The following TBC1D31 variants were observed in gnomAD, a reference collection of about 807,000 sequenced individuals.
TBC1D31 encodes the protein TBC1 domain family member 31.
Under a neutral mutation model 132.9 loss-of-function variants are expected in TBC1D31, and 99 were observed. The observed-to-expected ratio is 0.74, with a 90% CI of 0.63 to 0.88. TBC1D31 has a LOEUF of 0.88. Ranked by LOEUF, TBC1D31 falls within the 40% of genes least tolerant of loss-of-function variation. TBC1D31 has a pLI of 0.00. For missense variants in TBC1D31, 1,134 were observed against 1,256.6 expected (o/e 0.90, Z 1.48); for synonymous variants, 385 against 419.4 (o/e 0.92, Z 1.00).
At chr8:123,093,810 T>C in intron 5 of TBC1D31, 68 bp downstream of exon 5, 1 of 1,148,096 alleles carries the variant, frequency 8.7e-7, no homozygotes. Context: ...TTACAAATTT[T>C]CATTTAGTTT....
chr8:123,161,201 C>T, the TBC1D31 span, among the ~76,000 whole-genome samples: 4 of 152,244 alleles, frequency 2.6e-5, no homozygotes, highest in African/African-American at 7.2e-5. Context: ...TTTGCACCGG[C>T]AGCTCTAGGC....
At position 123,129,154 on chromosome 8, in the gene TBC1D31, G is replaced by T; in HGVS notation, c.2206G>T (p.Ala736Ser). The T allele has an allele frequency of 3.1e-6, 5 of 1,607,700 alleles. No individual in the cohort carries two copies. The highest frequency in any genetic ancestry group is 4.3e-6 in the Non-Finnish European group (5 of 1,175,572). ...CCAGAAACAGGAGCTGCTTCGTAAA[G>T]CTGAAGAAACAAGAAGAGAAATGCT... ...WYQKQELLRK[A>S]EETRREMLLQ... The change falls in exon 15 of 22, where the codon GCT becomes TCT. Residue 736 changes from alanine (A) to serine (S), a missense_variant. Ala to Ser is a moderately conservative substitution (Grantham distance 99, BLOSUM62 1). Transcript: ENST00000287380.
intron 4 of TBC1D31, among the ~76,000 whole-genome samples, chr8:123,085,679 G>A (rs997743066): frequency 6.6e-6 from 1 of 152,124 alleles, no homozygotes; most frequent in Non-Finnish European, 1.5e-5. Flanking sequence ...AAAGTGCTGG[G>A]ATTACAGGCG....
At chr8:123,155,788 A>C (rs1464071823), downstream of TBC1D31, among the ~76,000 whole-genome samples, 1 of 152,228 alleles carries the variant, frequency 6.6e-6, no homozygotes, top group Non-Finnish European at 1.5e-5. This position sits in a 1 kb window ranked among gnomAD's most constrained non-coding sequence, Gnocchi z 4.1. Flanking sequence ...GAAGGATTGC[A>C]TACTAGGGAA....
chr8:123,079,345 A>G (rs1814894135), intron 2 of TBC1D31, among the ~76,000 whole-genome samples: 1 of 152,194 alleles, frequency 6.6e-6, no homozygotes, highest in Admixed American at 6.5e-5. Flanking sequence ...GAGTTTTCTT[A>G]TTATGGGAAA....
chr8:123,138,611 C>T (rs1033585861), intron 17 of TBC1D31, among the ~76,000 whole-genome samples: 49 of 152,154 alleles, frequency 3.2e-4, no homozygotes, highest in Non-Finnish European at 3.2e-4. Context: ...CTGGCAGCCA[C>T]GAAGCTACTT....
chr8:123,155,945 AG>A (rs1459665877), downstream of TBC1D31, among the ~76,000 whole-genome samples: 1 of 152,234 alleles, frequency 6.6e-6, no homozygotes, highest in Admixed American at 6.5e-5. The surrounding 1 kb of genome is among the most constrained non-coding windows in gnomAD (Gnocchi z 4.1). Flanking sequence ...GAGGGTGAAT[AG>A]GGCCATGAAA....
At chr8:123,141,846 T>C (rs1226664363) in intron 18 of TBC1D31, among the ~76,000 whole-genome samples, 2 of 90,080 alleles carry the variant, frequency 2.2e-5, no homozygotes, top group Non-Finnish European at 4.5e-5. Context: ...GAAGAGCTCT[T>C]TTTTTTTTTT....
chr8:123,077,207 T>C lies in TBC1D31; in HGVS notation c.174T>C (p.Ile58=). ...TTGATGGCACAGGCGACTGCTTAAT[T>C]GCTGGGGACCACCAAGGAAATATTT... is the stretch of plus-strand genomic sequence containing the variant. ...VAFDGTGDCL[I]AGDHQGNIYV... The change falls in exon 2 of 22, where the codon ATT becomes ATC. Residue 58 remains isoleucine (I), a synonymous_variant. Coordinates refer to ENST00000287380, the MANE Select transcript of TBC1D31 (RefSeq NM_145647.4). 6.2e-7 allele frequency: 1 copy of C among 1,613,204 alleles called. No individual in the cohort carries two copies. Among genetic ancestry groups the C allele is most frequent in the Non-Finnish European group, 8.5e-7 (1 of 1,179,740 alleles).
At position 123,126,586 on chromosome 8, in the gene TBC1D31, A is replaced by G; in HGVS notation, c.1783A>G (p.Ile595Val). The G allele has an allele frequency of 1.2e-6, 2 of 1,614,042 alleles. No individual in the cohort carries two copies. The highest frequency in any genetic ancestry group is 1.7e-4 in the Middle Eastern group (1 of 6,060). The change falls in exon 13 of 22, where the codon ATC (isoleucine) becomes GTC (valine). Residue 595 changes from isoleucine to valine, a missense_variant. Ile to Val is a conservative substitution (Grantham distance 29, BLOSUM62 3). Transcript: ENST00000287380. Reference sequence around the variant, plus strand: ...GGAGTGGCTGAAATTGTTCGATAATATCTTTTCCAACCATCCTTCCTTCCT... The same window carrying G: ...GGAGTGGCTGAAATTGTTCGATAATGTCTTTTCCAACCATCCTTCCTTCCT... ...REEWLKLFDN[I>V]FSNHPSFLLM...
chr8:123,126,585 T>C lies in TBC1D31; in HGVS notation c.1782T>C (p.Asn594=), dbSNP rs373776572. The C allele has an allele frequency of 4.4e-5, 71 of 1,613,964 alleles. No homozygotes were observed. The highest frequency in any genetic ancestry group is 6.0e-5 in the Non-Finnish European group (71 of 1,179,988). ...TREEWLKLFD[N]IFSNHPSFLL... is the part of the protein sequence containing the mutation. Reference sequence around the variant, plus strand: ...AGGAGTGGCTGAAATTGTTCGATAATATCTTTTCCAACCATCCTTCCTTCC... The same window carrying C: ...AGGAGTGGCTGAAATTGTTCGATAACATCTTTTCCAACCATCCTTCCTTCC... The change falls in exon 13 of 22, where the codon AAT becomes AAC. Residue 594 remains asparagine, a synonymous_variant. Coordinates refer to ENST00000287380, the MANE Select transcript of TBC1D31 (RefSeq NM_145647.4).
intron 17 of TBC1D31, among the ~76,000 whole-genome samples, chr8:123,140,428 G>A (rs1484835182): frequency 6.6e-6 from 1 of 152,174 alleles, no homozygotes; most frequent in Non-Finnish European, 1.5e-5. Context: ...AAGATGAAAT[G>A]TCAGAGAGCT....
intron 18 of TBC1D31, among the ~76,000 whole-genome samples, chr8:123,141,166 A>G (rs557147528): frequency 6.6e-6 from 1 of 152,024 alleles, no homozygotes; most frequent in Non-Finnish European, 1.5e-5. Flanking sequence ...ACAAAGGAGT[A>G]GTGACTTAGA....
At chr8:123,112,067 G>A (rs914730299) in intron 10 of TBC1D31, among the ~76,000 whole-genome samples, 2 of 151,940 alleles carry the variant, frequency 1.3e-5, no homozygotes, top group Non-Finnish European at 2.9e-5. Flanking sequence ...TGTGGCCCAG[G>A]CTCATCTGGA....
rs373575390 is a variant in TBC1D31, at chr8:123,077,192, A to G, written c.159A>G (p.Thr53=). The change falls in exon 2 of 22, where the codon ACA becomes ACG. Residue 53 remains threonine, a synonymous_variant. Coordinates refer to ENST00000287380, the MANE Select transcript of TBC1D31 (RefSeq NM_145647.4). Reference sequence around the variant, plus strand: ...TTTTGAATGTGGCTTTTGATGGCACAGGCGACTGCTTAATTGCTGGGGACC... The same window carrying G: ...TTTTGAATGTGGCTTTTGATGGCACGGGCGACTGCTTAATTGCTGGGGACC... The part of the protein sequence containing the change: ...LRFLNVAFDG[T]GDCLIAGDHQ... 8 of 1,613,336 alleles carry G rather than the reference A, an allele frequency of 5.0e-6. No individual in the cohort carries two copies. In the African/African-American group the frequency reaches 8.0e-5, roughly 16 times the overall value.
chr8:123,097,395 G>T lies in TBC1D31; in HGVS notation c.785G>T (p.Arg262Leu). The change falls in exon 6 of 22, where the codon CGC becomes CTC. Residue 262 changes from arginine to leucine, a missense_variant. Arg to Leu is a moderately radical substitution (Grantham distance 102). Transcript: ENST00000287380. ...ATGCCCACTAAAGTTCGAGCCATTC[G>T]CCATCTGGAATTTCTTCCTGATAGT... Reference protein sequence around the residue: ...IQMPTKVRAIRHLEFLPDSFD... With the variant: ...IQMPTKVRAILHLEFLPDSFD... The T allele has an allele frequency of 1.9e-6, 3 of 1,614,092 alleles. No homozygotes were observed. Among genetic ancestry groups the T allele is most frequent in the Non-Finnish European group, 2.5e-6 (3 of 1,180,000 alleles).
intron 8 of TBC1D31, among the ~76,000 whole-genome samples, chr8:123,108,818 C>T (rs1212720870): frequency 1.3e-5 from 2 of 152,102 alleles, no homozygotes; most frequent in Non-Finnish European, 2.9e-5. Flanking sequence ...ACAATCATGG[C>T]AGAAGGTGAA....
intron 21 of TBC1D31, among the ~76,000 whole-genome samples, chr8:123,150,839 C>T (rs1563764572): frequency 1.3e-5 from 2 of 152,300 alleles, no homozygotes; most frequent in African/African-American, 2.4e-5. Context: ...GTTAAACTTA[C>T]TTTCAACTAT....
intron 4 of TBC1D31, among the ~76,000 whole-genome samples, chr8:123,090,120 C>A (rs1816188111): frequency 6.6e-6 from 1 of 151,904 alleles, no homozygotes; most frequent in Admixed American, 6.6e-5. Flanking sequence ...TAATAGATAC[C>A]CGTTATTTAG....
Sources: gnomAD v4.1 joint callset for allele counts (sites outside exome capture counted in the v4.1 genomes callset) on GRCh38, gnomAD v4.1.1 for gene constraint, Gnocchi (gnomAD v3.1) non-coding constraint, MANE v1.5 for transcripts, NCBI Gene and HGNC (gene_info 2026-07-23, HGNC 2026-07-21) for gene names.